Variants in LDLRAD3 observed in about 807,000 individuals in gnomAD.
LDLRAD3 encodes low density lipoprotein receptor class A domain containing 3.
A neutral mutation model predicts 29.4 loss-of-function variants in LDLRAD3; 20 were observed. The observed-to-expected ratio is 0.68, with a 90% CI of 0.48 to 0.99. The LOEUF (loss-of-function observed/expected upper bound fraction) is 0.99. Among genes scored for constraint, LDLRAD3 ranks in the 50% least tolerant of loss-of-function variants. The probability of loss-of-function intolerance (pLI) is 0.00; values close to 1 mark genes in which losing one functional copy is unlikely to be tolerated. For missense variants in LDLRAD3, 420 were observed against 454.3 expected, an observed-to-expected ratio of 0.92 and a Z score of 0.69; for synonymous variants, 157 against 192.7, an observed-to-expected ratio of 0.81 and a Z score of 1.53.
At chr11:36,157,317 G>C (rs1245238525) in intron 4 of LDLRAD3, among the ~76,000 whole-genome samples, 1 of 152,206 alleles carries the variant, frequency 6.6e-6, no homozygotes, top group African/African-American at 2.4e-5. Context: ...AAAATGAGTT[G>C]TCCAGATAAA....
chr11:35,987,882 C>G (rs1187693824), intron 1 of LDLRAD3, among the ~76,000 whole-genome samples: 1 of 152,238 alleles, frequency 6.6e-6, no homozygotes, highest in African/African-American at 2.4e-5. Context: ...ACATTCCCAT[C>G]AACTGTGTAT....
chr11:35,992,308 C>G, intron 1 of LDLRAD3, among the ~76,000 whole-genome samples: 1 of 152,194 alleles, frequency 6.6e-6, no homozygotes, highest in East Asian at 1.9e-4. Flanking sequence ...AACTATTCCT[C>G]AGTAATCTTG....
intron 2 of LDLRAD3, among the ~76,000 whole-genome samples, chr11:36,077,663 G>C (rs148965841): frequency 1.4e-4 from 21 of 152,304 alleles, no homozygotes; most frequent in African/African-American, 4.8e-4. Flanking sequence ...AGCTTCCATG[G>C]CTGACACTGG....
chr11:36,098,313 T>A lies in LDLRAD3; in HGVS notation c.320-14T>A, dbSNP rs1410177224. On this transcript the variant is annotated splice_polypyrimidine_tract_variant and intron_variant, in intron 3 of 5. Transcript: ENST00000315571. ...CTGGCCTCCCTGGTAATGTGCTGTG[T>A]TTTCCCTCTGCAGCAGCAAACCCTC... The A allele has an allele frequency of 6.2e-7, 1 of 1,613,520 alleles. No homozygotes were observed. Among genetic ancestry groups the A allele is most frequent in the African/African-American group, 1.3e-5 (1 of 75,030 alleles).
At position 36,098,372 on chromosome 11, in the gene LDLRAD3, A is replaced by T; in HGVS notation, c.365A>T (p.Asn122Ile). ...LCSTARYHCK[N>I]GLCIDKSFIC... ...TCCACCGCCCGCTACCACTGCAAGA[A>T]CGGCCTCTGTATTGACAAGAGCTTC... Residue 122 changes from asparagine (N) to isoleucine (I), a missense_variant, in exon 4 of 6, where the codon AAC becomes ATC. By Grantham distance (149) the Asn-to-Ile change is moderately radical. This residue lies in a region of LDLRAD3 where 224 missense variants were observed against 222.2 expected (regional missense o/e 1.01). Coordinates refer to ENST00000315571, the MANE Select transcript of LDLRAD3 (RefSeq NM_174902.4). 1.2e-6 allele frequency: 2 copies of T among 1,614,238 alleles called. No homozygotes were observed. The highest frequency in any genetic ancestry group is 1.7e-6 in the Non-Finnish European group (2 of 1,180,036).
intron 2 of LDLRAD3, among the ~76,000 whole-genome samples, chr11:36,078,664 C>T (rs1362625173): frequency 6.6e-6 from 1 of 152,158 alleles, no homozygotes; most frequent in East Asian, 1.9e-4. Flanking sequence ...CAGCCATGCC[C>T]AGAAGGGTGG....
intron 1 of LDLRAD3, among the ~76,000 whole-genome samples, chr11:36,008,367 C>A (rs1043096260): frequency 1.3e-5 from 2 of 152,124 alleles, no homozygotes; most frequent in African/African-American, 4.8e-5. Flanking sequence ...ATCCCAACTC[C>A]AGGGTTCATG....
intron 3 of LDLRAD3, among the ~76,000 whole-genome samples, chr11:36,089,801 G>A (rs1052830895): frequency 2.0e-5 from 3 of 146,480 alleles, no homozygotes; most frequent in African/African-American, 7.7e-5. Flanking sequence ...TTGTAGAGAA[G>A]GGGTCTTGCT....
chr11:36,076,230 A>ATCCG (rs1237074349), intron 2 of LDLRAD3, among the ~76,000 whole-genome samples: 1 of 151,354 alleles, frequency 6.6e-6, no homozygotes, highest in Non-Finnish European at 1.5e-5. Flanking sequence ...CCGTCCATCC[A>ATCCG]TCCATCCATC....
At chr11:36,002,555 T>G (rs890436586) in intron 1 of LDLRAD3, among the ~76,000 whole-genome samples, 1 of 152,184 alleles carries the variant, frequency 6.6e-6, no homozygotes, top group African/African-American at 2.4e-5. Context: ...CCGGTGCTTT[T>G]TCTAACTCTG....
At chr11:35,964,973 G>A (rs1423357742) in intron 1 of LDLRAD3, among the ~76,000 whole-genome samples, 1 of 144,212 alleles carries the variant, frequency 6.9e-6, no homozygotes, top group African/African-American at 2.6e-5. Context: ...CTGGGCAACA[G>A]AGCAAGACTG....
At position 36,206,211 on chromosome 11, in the gene LDLRAD3, C is replaced by A. The variant is rs140986871; in HGVS notation, c.455-20874C>A. On this transcript the variant is annotated intron_variant, in intron 4 of 5. Transcript: ENST00000315571. ...TGCTTCTAAGAGTTAATACTGTATGCGGTAGGTGCTGGGGCTGCCTGTTGG... is the reference window on the plus strand; with the variant it reads ...TGCTTCTAAGAGTTAATACTGTATGAGGTAGGTGCTGGGGCTGCCTGTTGG... 3.3e-3 allele frequency among the ~76,000 whole-genome samples: 507 copies of A among 152,246 alleles called. 1 individual carries two copies. Among genetic ancestry groups the A allele is most frequent in the African/African-American group, 0.011 (475 of 41,556 alleles).
At chr11:36,039,530 T>A (rs1361464886) in intron 2 of LDLRAD3, among the ~76,000 whole-genome samples, 2 of 151,016 alleles carry the variant, frequency 1.3e-5, no homozygotes, top group East Asian at 3.8e-4. Flanking sequence ...TTAACCTGTA[T>A]GAAGCACGCA....
chr11:36,017,517 T>A (rs1852038186), intron 1 of LDLRAD3, among the ~76,000 whole-genome samples: 1 of 149,360 alleles, frequency 6.7e-6, no homozygotes, highest in Admixed American at 6.9e-5. Context: ...TTGTACTGAT[T>A]AAGCCATATT....
chr11:35,987,910 C>T (rs999341860), intron 1 of LDLRAD3, among the ~76,000 whole-genome samples: 4 of 152,224 alleles, frequency 2.6e-5, no homozygotes, highest in African/African-American at 9.7e-5. Context: ...CCGTTTGCTC[C>T]ACAGCCTCAC....
intron 2 of LDLRAD3, among the ~76,000 whole-genome samples, chr11:36,068,769 G>A (rs1235526859): frequency 2.0e-5 from 3 of 152,166 alleles, no homozygotes; most frequent in Admixed American, 6.5e-5. Flanking sequence ...ACCCACCTCA[G>A]CCTCCCCAAG....
Position 35,983,353 on chromosome 11 carries a change from A to G in LDLRAD3, c.46+39209A>G, listed in dbSNP as rs537936307. ...TACCTGTTTGTAATGTGGCTACTAG[A>G]AACATTTTAATTACATATGTGGCTT... On this transcript the variant is annotated intron_variant, in intron 1 of 5. Transcript: ENST00000315571. Among the ~76,000 whole-genome samples the G allele has an allele frequency of 5.6e-4, 86 of 152,368 alleles. 1 individual carries two copies. Among genetic ancestry groups the G allele is most frequent in the Admixed American group, 3.9e-4 (6 of 15,308 alleles).
chr11:36,105,236 TGTGAGAGA>T (rs1435612240), intron 4 of LDLRAD3, among the ~76,000 whole-genome samples: 32 of 135,052 alleles, frequency 2.4e-4, no homozygotes, highest in African/African-American at 8.9e-4. Context: ...TGTGTGTGTG[TGTGAGAGA>T]GAGAGAGAGA....
At chr11:35,958,020 G>C (rs1851227025) in intron 1 of LDLRAD3, among the ~76,000 whole-genome samples, 1 of 152,132 alleles carries the variant, frequency 6.6e-6, no homozygotes. Context: ...ATCATTTATA[G>C]TGGTGAAACA....
Sources: gnomAD v4.1 joint callset for allele counts (sites outside exome capture counted in the v4.1 genomes callset) on GRCh38, gnomAD v4.1.1 for gene constraint, gnomAD v4.1.1 regional missense constraint, MANE v1.5 for transcripts, NCBI Gene and HGNC (gene_info 2026-07-23, HGNC 2026-07-21) for gene names.